PPP2R3B: variants seen among roughly 807,000 people sequenced by gnomAD.
PPP2R3B encodes serine/threonine-protein phosphatase 2A regulatory subunit B'' subunit beta.
In PPP2R3B, 68 loss-of-function variants were observed where a neutral mutation model predicts 72.9. The ratio of observed to expected loss-of-function variants is 0.93; its 90% CI spans 0.77 to 1.14. The LOEUF is 1.14. PPP2R3B is among the 50% of genes most tolerant of loss of function. The pLI is 0.00. For missense variants in PPP2R3B, 1,018 were observed against 842.0 expected (o/e 1.21, Z -2.59); for synonymous variants, 466 against 375.8 (o/e 1.24, Z -2.78).
intron 7 of PPP2R3B, 77 bp from the exon 8 acceptor site, chrX:342,008 G>A (rs2738361): frequency 0.47 from 736,964 of 1,563,454 alleles, 177,477 homozygotes; most frequent in South Asian, 0.52. Context: ...AGCCGAGACT[G>A]GATGCGGTGG....
chrX:346,083 A>AGGGG, intron 6 of PPP2R3B, 91 bp downstream of exon 6: 1 of 484,640 alleles, frequency 2.1e-6, no homozygotes, highest in Non-Finnish European at 3.4e-6. Context: ...GTGGGAGGGG[A>AGGGG]GGAGGGAGGG....
chrX:353,782 C>T (rs775064000), intron 2 of PPP2R3B, among the ~76,000 whole-genome samples: 15 of 149,322 alleles, frequency 1.0e-4, no homozygotes, highest in South Asian at 2.1e-4. Context: ...ACCCAAAGAC[C>T]GGGGCTCACC....
At chrX:373,322 C>G (rs1182705875) in intron 1 of PPP2R3B, among the ~76,000 whole-genome samples, 1 of 152,222 alleles carries the variant, frequency 6.6e-6, no homozygotes, top group Non-Finnish European at 1.5e-5. Context: ...TCCCACAGAG[C>G]AGCACCCGGT....
rs1440109969 is a variant in PPP2R3B, at chrX:347,597, A to C, written c.607T>G (p.Trp203Gly). 1 of 1,576,314 alleles carries C rather than the reference A, an allele frequency of 6.3e-7. No individual in the cohort carries two copies. Among genetic ancestry groups the C allele is most frequent in the Non-Finnish European group, 8.6e-7 (1 of 1,160,512 alleles). The change falls in exon 3 of 13, where the codon TGG (tryptophan) becomes GGG (glycine). Residue 203 changes from tryptophan (W) to glycine (G), a missense_variant. Transcript: ENST00000390665. Reference sequence around the variant, plus strand: ...GCCCAGCCCAGGACTCACTTTCTCCACATGGCGACGAACTTGTGGACGGAC... The same window carrying C: ...GCCCAGCCCAGGACTCACTTTCTCCCCATGGCGACGAACTTGTGGACGGAC... ...SVSVHKFVAM[W>G]RKILQNCHDD...
intron 1 of PPP2R3B, among the ~76,000 whole-genome samples, chrX:365,137 C>T (rs1460756785): frequency 2.4e-5 from 2 of 84,688 alleles, no homozygotes; most frequent in African/African-American, 9.3e-5. Context: ...CGCTTCAACA[C>T]AGGAGGCGGA....
At chrX:338,562 C>T (rs2070955934) in intron 12 of PPP2R3B, 42 bp downstream of exon 12, 6 of 1,408,128 alleles carry the variant, frequency 4.3e-6, no homozygotes, top group South Asian at 1.3e-5. Flanking sequence ...CACCCGTCCT[C>T]CCACTGACCC....
At chrX:375,493 G>A (rs754343092) in intron 1 of PPP2R3B, among the ~76,000 whole-genome samples, 2 of 147,542 alleles carry the variant, frequency 1.4e-5, no homozygotes, top group Non-Finnish European at 3.0e-5. Context: ...GTGCGGCCCA[G>A]TAACCCATGA....
chrX:351,552 G>GT (rs1333405542), intron 2 of PPP2R3B, among the ~76,000 whole-genome samples: 1 of 150,398 alleles, frequency 6.6e-6, no homozygotes, highest in Non-Finnish European at 1.5e-5. Context: ...TATTCTACTT[G>GT]TTTTTCGAGA....
rs2124443963 is a variant in PPP2R3B, at chrX:386,489, GGCC to G, written c.200_202del (p.Arg67del). ...GGTTCCCGGGGGTTCGAGCCCGCTG[GGCC>G]GGGGGGCGGCGAGCGGGGCTGTGGG... On this transcript the variant is annotated inframe_deletion, in exon 1 of 13. Coordinates refer to ENST00000390665, the MANE Select transcript of PPP2R3B (RefSeq NM_013239.5). The G allele has an allele frequency of 7.8e-7, 1 of 1,288,144 alleles. No homozygotes were observed. Among genetic ancestry groups the G allele is most frequent in the African/African-American group, 1.5e-5 (1 of 64,570 alleles). The allele number at this position is 1,288,144 out of a possible 1,614,324, so 79.8% of individuals were successfully genotyped here.
chrX:359,259 G>A (rs1228093794), intron 2 of PPP2R3B, among the ~76,000 whole-genome samples: 1 of 152,224 alleles, frequency 6.6e-6, no homozygotes, highest in East Asian at 1.9e-4. Flanking sequence ...AGACCTCCCA[G>A]TGAAGGAACT....
In PPP2R3B at chrX:340,784, C is replaced by G. The variant is rs1211522727; in HGVS notation, c.1332G>C (p.Leu444=). The change falls in exon 10 of 13, where the codon CTG becomes CTC. Residue 444 remains leucine, a synonymous_variant. Transcript: ENST00000390665. ...CATCACCTTCAGTCCTCGGCTTGAC[C>G]AGGTCCAGCATCTGGCAGAGGCAGT... ...FQDCLCQMLD[L]VKPRTEGKIT... is the part of the protein sequence containing the mutation. The G allele has an allele frequency of 1.2e-6, 2 of 1,611,482 alleles. No homozygotes were observed. The highest frequency in any genetic ancestry group is 1.7e-6 in the Non-Finnish European group (2 of 1,179,392).
chrX:369,371 G>T (rs1412694542), intron 1 of PPP2R3B, among the ~76,000 whole-genome samples: 1 of 152,148 alleles, frequency 6.6e-6, no homozygotes, highest in African/African-American at 2.4e-5. Context: ...ACTGATAAAG[G>T]CGACACCCTG....
chrX:359,985 C>A, intron 2 of PPP2R3B: 1 of 346,518 alleles, frequency 2.9e-6, no homozygotes, highest in South Asian at 2.1e-5. Context: ...AACACAATCC[C>A]TAATAGAAAA....
rs868550202 is a variant in PPP2R3B, at chrX:386,818, A to G, written c.-127T>C. ...GCTGAGGGGGCGCGGCGCAGGGAAC[A>G]GGGCCCGCGCCTCGGGAACTGCGCG... On this transcript the variant is annotated 5_prime_UTR_variant, in exon 1 of 13. Transcript: ENST00000390665. 1.1e-4 allele frequency: 50 copies of G among 443,324 alleles called. No individual in the cohort carries two copies. The highest frequency in any genetic ancestry group is 9.3e-4 in the African/African-American group (44 of 47,320). The allele number at this position is 443,324 out of a possible 1,614,324, so 27.5% of individuals were successfully genotyped here.
rs1556105763 is a variant in PPP2R3B at position 339,277 on chromosome X, G to GGGC, written c.1352-382_1352-381insGCC. ...AGCAGGAGGCGCCCCATGGCCGGGGGGGGCAGGGCTGCAGGGCGGTGCCCG... is the reference window on the plus strand; with the variant it reads ...AGCAGGAGGCGCCCCATGGCCGGGGGGGCGGGCAGGGCTGCAGGGCGGTGCCCG... On this transcript the variant is annotated intron_variant, in intron 10 of 12. Coordinates refer to ENST00000390665, the MANE Select transcript of PPP2R3B (RefSeq NM_013239.5). 1.2e-4 allele frequency among the ~76,000 whole-genome samples: 18 copies of GGGC among 149,740 alleles called. 1 individual carries two copies. Among genetic ancestry groups the GGGC allele is most frequent in the Non-Finnish European group, 2.1e-4 (14 of 67,168 alleles).
intron 8 of PPP2R3B, 134 bp from the exon 9 acceptor site, chrX:341,530 T>G: frequency 1.5e-6 from 1 of 689,544 alleles, no homozygotes; most frequent in Non-Finnish European, 2.4e-6. Flanking sequence ...CTCCTGCCCC[T>G]CCTCCTGCCT....
At chrX:384,153 A>T (rs1313390055) in intron 1 of PPP2R3B, among the ~76,000 whole-genome samples, 1 of 152,116 alleles carries the variant, frequency 6.6e-6, no homozygotes, top group African/African-American at 2.4e-5. Context: ...TAGGTTATTC[A>T]CTAGAGACCT....
At chrX:372,826 G>C (rs2071895241) in intron 1 of PPP2R3B, among the ~76,000 whole-genome samples, 1 of 152,170 alleles carries the variant, frequency 6.6e-6, no homozygotes, top group Non-Finnish European at 1.5e-5. Flanking sequence ...TACTCGGGAG[G>C]CTGAAGCAGG....
Position 338,792 on chromosome X carries a change from T to G in PPP2R3B, c.1456A>C (p.Ile486Leu), listed in dbSNP as rs146420141. Residue 486 changes from isoleucine (I) to leucine (L), a missense_variant, in exon 11 of 13, where the codon ATC becomes CTC. Transcript: ENST00000390665. ...GCCGCACTCACCCTGAGCAGGGAGA[T>G]CTGCTCTTTCTGCTCGTGGTCGAGG... ...KYLDHEQKEQISLLRDGDSGG... is the reference protein window; with the variant it reads ...KYLDHEQKEQLSLLRDGDSGG... The G allele has an allele frequency of 1.7e-5, 27 of 1,612,282 alleles. No homozygotes were observed. The highest frequency in any genetic ancestry group is 2.2e-5 in the Non-Finnish European group (26 of 1,179,600).
Sources: allele counts gnomAD v4.1 joint callset (sites outside exome capture counted in the v4.1 genomes callset), GRCh38; gene constraint gnomAD v4.1.1; transcripts MANE v1.5; gene names NCBI Gene and HGNC (gene_info 2026-07-23, HGNC 2026-07-21).